Variants in SPIDR observed in about 807,000 individuals in gnomAD.
The protein encoded by SPIDR is DNA repair-scaffolding protein.
Under a neutral mutation model 104.6 loss-of-function variants are expected in SPIDR, and 93 were observed. The observed-to-expected ratio is 0.89, with a 90% confidence interval of 0.75 to 1.06. SPIDR has a LOEUF of 1.06. Among genes scored for constraint, SPIDR ranks in the 50% least tolerant of loss-of-function variants. SPIDR has a pLI of 0.00. For missense variants in SPIDR, 1,154 were observed against 1,111.2 expected, an observed-to-expected ratio of 1.04 and a Z score of -0.55; for synonymous variants, 431 against 416.9, an observed-to-expected ratio of 1.03 and a Z score of -0.41.
At chr8:47,390,108 T>A (rs2060404190) in intron 5 of SPIDR, among the ~76,000 whole-genome samples, 1 of 152,118 alleles carries the variant, frequency 6.6e-6, no homozygotes, top group Admixed American at 6.5e-5. Flanking sequence ...ATGTATACAT[T>A]TAAAAGTTTA....
intron 8 of SPIDR, among the ~76,000 whole-genome samples, chr8:47,567,780 CTTTTT>C (rs35199139): frequency 1.4e-5 from 1 of 71,004 alleles, no homozygotes; most frequent in South Asian, 5.1e-4. Flanking sequence ...TTTTCTTTTT[CTTTTT>C]TTTTTTTTTT....
intron 8 of SPIDR, among the ~76,000 whole-genome samples, chr8:47,560,334 A>T (rs945692203): frequency 1.3e-5 from 2 of 152,222 alleles, no homozygotes; most frequent in African/African-American, 4.8e-5. Flanking sequence ...TGGGCCCAGC[A>T]TCTTTTCTGG....
At chr8:47,729,954 G>A (rs931575843) in intron 19 of SPIDR, among the ~76,000 whole-genome samples, 1 of 152,020 alleles carries the variant, frequency 6.6e-6, no homozygotes, top group African/African-American at 2.4e-5. Context: ...CTTGACCTCA[G>A]GTGATCCTCC....
Position 47,702,087 on chromosome 8 carries a change from TCTCTCTCTCTTA to T in SPIDR, c.1977+74_1977+85del, listed in dbSNP as rs1390564786. 3.2e-3 allele frequency: 450 copies of T among 139,778 alleles called. 7 individuals carry two copies. The highest frequency in any genetic ancestry group is 0.012 in the African/African-American group (285 of 22,980). The allele number at this position is 139,778 out of a possible 1,614,324, so 8.7% of individuals were successfully genotyped here. The stretch of plus-strand genomic sequence containing the variant: ...CTCTCTCTCTCTCTCTCTCTCTCTC[TCTCTCTCTCTTA>T]CACACACACACACACACACACACAC... On this transcript the variant is annotated intron_variant, in intron 14 of 19. Coordinates refer to ENST00000297423, the MANE Select transcript of SPIDR (RefSeq NM_001080394.4).
chr8:47,507,008 G>T (rs1014375014), intron 8 of SPIDR, among the ~76,000 whole-genome samples: 2 of 152,160 alleles, frequency 1.3e-5, no homozygotes, highest in Non-Finnish European at 2.9e-5. Context: ...GGCTACTGTG[G>T]AGAGAGTGAG....
In SPIDR at chr8:47,325,995, CT is replaced by C. The variant is rs146016958; in HGVS notation, c.525+31974del. Among the ~76,000 whole-genome samples, 11 of 151,332 alleles carry C rather than the reference CT, an allele frequency of 7.3e-5. No homozygotes were observed. The East Asian group carries it at 1.9e-3, about 27-fold the overall frequency. On this transcript the variant is annotated intron_variant, in intron 5 of 19. Coordinates refer to ENST00000297423, the MANE Select transcript of SPIDR (RefSeq NM_001080394.4). ...TTTTCCAAAATAAGCTTCATCCATG[CT>C]TTTTTTTTCTTTTAAGACAGGGTCT... is the stretch of plus-strand genomic sequence containing the variant.
intron 8 of SPIDR, among the ~76,000 whole-genome samples, chr8:47,470,795 C>T (rs1009268552): frequency 1.3e-5 from 2 of 151,842 alleles, no homozygotes; most frequent in Non-Finnish European, 2.9e-5. Context: ...AGTGCAGTGG[C>T]GTGATCTCGG....
At chr8:47,626,509 C>T (rs193083016) in intron 10 of SPIDR, among the ~76,000 whole-genome samples, 1 of 152,236 alleles carries the variant, frequency 6.6e-6, no homozygotes, top group African/African-American at 2.4e-5. Context: ...GGCTAATATC[C>T]AGAATCTACA....
Position 47,683,470 on chromosome 8 carries a change from G to A in SPIDR, c.1685+9529G>A, listed in dbSNP as rs754070221. On this transcript the variant is annotated intron_variant, in intron 11 of 19. Coordinates refer to ENST00000297423, the MANE Select transcript of SPIDR (RefSeq NM_001080394.4). ...GGTTCTAGTTTCTAGGCAGAGGCCC[G>A]TGGGAAAGCGCTCAGAGTAAAATGA... 8.5e-5 allele frequency among the ~76,000 whole-genome samples: 13 copies of A among 152,334 alleles called. 1 individual carries two copies. The South Asian group carries it at 1.2e-3, about 15-fold the overall frequency.
intron 5 of SPIDR, among the ~76,000 whole-genome samples, chr8:47,386,956 TAGATATAGATAC>T (rs2060020048): frequency 2.4e-5 from 3 of 123,068 alleles, no homozygotes; most frequent in South Asian, 2.5e-4. Context: ...GATATAGATA[TAGATATAGATAC>T]AGATATAGAT....
At chr8:47,263,310 G>A (rs1167919051) in intron 1 of SPIDR, among the ~76,000 whole-genome samples, 1 of 152,182 alleles carries the variant, frequency 6.6e-6, no homozygotes. Context: ...CTGCGTCACT[G>A]TACTTGCTTG....
chr8:47,366,714 T>C (rs2057271367), intron 5 of SPIDR, among the ~76,000 whole-genome samples: 1 of 152,160 alleles, frequency 6.6e-6, no homozygotes, highest in Non-Finnish European at 1.5e-5. Context: ...TCAGGTAAAG[T>C]TGAATGAAAT....
chr8:47,416,835 C>G (rs2154330789), intron 7 of SPIDR, among the ~76,000 whole-genome samples: 1 of 150,786 alleles, frequency 6.6e-6, no homozygotes, highest in South Asian at 2.1e-4. Context: ...TCCATGTGTT[C>G]TCATTGTTCA....
At chr8:47,377,454 G>C (rs1392665093) in intron 5 of SPIDR, among the ~76,000 whole-genome samples, 1 of 152,208 alleles carries the variant, frequency 6.6e-6, no homozygotes, top group Non-Finnish European at 1.5e-5. Context: ...GAGGAGACCA[G>C]GCACAAGCCT....
intron 8 of SPIDR, among the ~76,000 whole-genome samples, chr8:47,594,412 G>A (rs1316723594): frequency 6.6e-6 from 1 of 151,726 alleles, no homozygotes; most frequent in South Asian, 2.1e-4. Context: ...CACCTTCTCT[G>A]GTATCCCAGC....
chr8:47,603,661 G>A (rs922175089), intron 10 of SPIDR, among the ~76,000 whole-genome samples: 1 of 151,398 alleles, frequency 6.6e-6, no homozygotes, highest in South Asian at 2.1e-4. Flanking sequence ...GCTTTCCAAA[G>A]TACTAGGACT....
chr8:47,303,213 C>T (rs917215800), intron 5 of SPIDR, among the ~76,000 whole-genome samples: 8 of 152,180 alleles, frequency 5.3e-5, no homozygotes, highest in East Asian at 1.9e-4. Context: ...TAGCAATGAG[C>T]GAGGCTCCGT....
intron 10 of SPIDR, among the ~76,000 whole-genome samples, chr8:47,640,177 T>C (rs1033064435): frequency 1.3e-5 from 2 of 152,212 alleles, no homozygotes; most frequent in Admixed American, 6.5e-5. Context: ...TGCCATTTAA[T>C]GCTGCAGAGC....
intron 6 of SPIDR, among the ~76,000 whole-genome samples, chr8:47,406,919 A>G (rs1454396575): frequency 6.6e-6 from 1 of 152,172 alleles, no homozygotes; most frequent in Non-Finnish European, 1.5e-5. Flanking sequence ...GAATAAAGGT[A>G]ATGTAGTGAA....
Sources: gnomAD v4.1 joint callset for allele counts (sites outside exome capture counted in the v4.1 genomes callset) on GRCh38, gnomAD v4.1.1 for gene constraint, MANE v1.5 for transcripts, NCBI Gene and HGNC (gene_info 2026-07-23, HGNC 2026-07-21) for gene names.